Variants in SLC25A13 observed in about 807,000 individuals in gnomAD.
SLC25A13 encodes the protein solute carrier family 25 member 13, also known as electrogenic aspartate/glutamate antiporter SLC25A13, mitochondrial.
A neutral mutation model predicts 85.5 loss-of-function variants in SLC25A13; 70 were observed. The observed-to-expected ratio is 0.82, with a 90% CI of 0.68 to 1.00. The LOEUF (loss-of-function observed/expected upper bound fraction) is 1.00, where lower values mean the gene tolerates loss of function less well. Ranked by LOEUF, SLC25A13 falls within the 50% of genes least tolerant of loss-of-function variation. The pLI is 0.00. For missense variants in SLC25A13, 765 were observed against 819.8 expected, an observed-to-expected ratio of 0.93 and a Z score of 0.82; for synonymous variants, 259 against 288.7, an observed-to-expected ratio of 0.90 and a Z score of 1.04.
intron 11 of SLC25A13, among the ~76,000 whole-genome samples, 193 bp downstream of exon 11, chr7:96,184,083 AT>A (rs1794527032): frequency 6.6e-6 from 1 of 152,120 alleles, no homozygotes; most frequent in Non-Finnish European, 1.5e-5. Flanking sequence ...ACTATAAATA[AT>A]TTTCAGATTA....
chr7:96,121,596 A>G (rs997609371), intron 17 of SLC25A13, 59 bp downstream of exon 17: 67 of 1,529,132 alleles, frequency 4.4e-5, no homozygotes, highest in Non-Finnish European at 5.6e-5. Flanking sequence ...ACCTTTCCCT[A>G]CGACAACAGA....
intron 2 of SLC25A13, chr7:96,283,408 C>T: frequency 7.4e-6 from 3 of 404,840 alleles, no homozygotes; most frequent in African/African-American, 2.1e-5. Flanking sequence ...GTTCTGTAGG[C>T]CTTTTAGAAA....
chr7:96,124,940 C>T (rs1305859163), intron 15 of SLC25A13, among the ~76,000 whole-genome samples: 1 of 152,220 alleles, frequency 6.6e-6, no homozygotes, highest in Non-Finnish European at 1.5e-5. Context: ...CTTTGGCGCA[C>T]TGGCACTTTT....
intron 1 of SLC25A13, among the ~76,000 whole-genome samples, chr7:96,304,309 C>T (rs910620556): frequency 6.6e-6 from 1 of 152,186 alleles, no homozygotes; most frequent in East Asian, 1.9e-4. Context: ...TCAGACACCA[C>T]AAATGTTAAC....
At chr7:96,201,511 CA>C (rs11448108) in intron 5 of SLC25A13, among the ~76,000 whole-genome samples, 37 of 124,584 alleles carry the variant, frequency 3.0e-4, no homozygotes, top group African/African-American at 6.2e-4. Context: ...GACTCTGTCT[CA>C]AAAAAAAAAA....
intron 15 of SLC25A13, among the ~76,000 whole-genome samples, chr7:96,128,789 AT>A (rs1791849183): frequency 1.3e-5 from 2 of 148,520 alleles, no homozygotes; most frequent in Admixed American, 6.7e-5. Context: ...AATAATAATA[AT>A]AATAATAAAA....
At chr7:96,222,165 C>T (rs1417629236) in intron 4 of SLC25A13, among the ~76,000 whole-genome samples, 3 of 152,162 alleles carry the variant, frequency 2.0e-5, no homozygotes, top group Admixed American at 6.5e-5. Context: ...TTAACATAAA[C>T]AAGAAACGCT....
chr7:96,156,403 T>C (rs1172449043), intron 13 of SLC25A13, among the ~76,000 whole-genome samples: 1 of 152,072 alleles, frequency 6.6e-6, no homozygotes, highest in Non-Finnish European at 1.5e-5. Flanking sequence ...TTCAAGAGAT[T>C]CTCGTGCCTC....
chr7:96,315,972 T>C lies in SLC25A13; in HGVS notation c.15+5970A>G, dbSNP rs62472394. On this transcript the variant is annotated intron_variant, in intron 1 of 17. Transcript: ENST00000265631. ...GTCTCTACAAAAAAAAAAAAAATTTTAATTAGCTGGGTGTGGTGGTGTGTG... is the reference window on the plus strand; with the variant it reads ...GTCTCTACAAAAAAAAAAAAAATTTCAATTAGCTGGGTGTGGTGGTGTGTG... Among the ~76,000 whole-genome samples the C allele has an allele frequency of 2.0e-5, 3 of 151,982 alleles. No individual in the cohort carries two copies. The East Asian group carries it at 5.8e-4, about 29-fold the overall frequency.
chr7:96,197,300 A>T (rs370589703), intron 5 of SLC25A13, among the ~76,000 whole-genome samples: 1 of 152,228 alleles, frequency 6.6e-6, no homozygotes, highest in Non-Finnish European at 1.5e-5. Flanking sequence ...AAAATTCCCT[A>T]AAGTTTTCCA....
chr7:96,240,067 C>G (rs61241177), intron 3 of SLC25A13, among the ~76,000 whole-genome samples: 87 of 152,214 alleles, frequency 5.7e-4, no homozygotes, highest in African/African-American at 2.0e-3. Context: ...TTCACTGTAG[C>G]GTAACTTTAG....
intron 11 of SLC25A13, among the ~76,000 whole-genome samples, chr7:96,177,947 T>C (rs1794287851): frequency 6.6e-6 from 1 of 152,140 alleles, no homozygotes; most frequent in African/African-American, 2.4e-5. Flanking sequence ...TGGAAAGGCA[T>C]TTCTTCCCAA....
At chr7:96,256,885 C>G (rs1273793875) in intron 3 of SLC25A13, among the ~76,000 whole-genome samples, 1 of 152,186 alleles carries the variant, frequency 6.6e-6, no homozygotes, top group Non-Finnish European at 1.5e-5. Context: ...ACAGTGCAAT[C>G]AAAGTAGAAC....
At chr7:96,209,092 A>G in intron 4 of SLC25A13, 115 bp from the exon 5 acceptor site, 1 of 1,026,086 alleles carries the variant, frequency 9.7e-7, no homozygotes, top group Non-Finnish European at 1.4e-6. Context: ...TCAATTTTAA[A>G]TAGACATACA....
intron 3 of SLC25A13, among the ~76,000 whole-genome samples, chr7:96,248,940 G>A (rs1261439557): frequency 2.0e-5 from 3 of 152,146 alleles, no homozygotes; most frequent in African/African-American, 7.2e-5. Context: ...AAACTAAATT[G>A]TATAAACGGT....
In SLC25A13 at chr7:96,193,201, A is replaced by C; in HGVS notation, c.469-18T>G. The stretch of plus-strand genomic sequence containing the variant: ...TGTATTTCCTACAAATAAAGAAAGT[A>C]AAATACTTAATTTATGCTTCTCATT... On this transcript the variant is annotated intron_variant, in intron 5 of 17. Coordinates refer to ENST00000265631, the MANE Select transcript of SLC25A13 (RefSeq NM_014251.3). 2.5e-6 allele frequency: 4 copies of C among 1,613,502 alleles called. No individual in the cohort carries two copies. The highest frequency in any genetic ancestry group is 3.4e-6 in the Non-Finnish European group (4 of 1,179,638).
chr7:96,269,234 G>A (rs1347639784), intron 3 of SLC25A13, among the ~76,000 whole-genome samples: 1 of 152,182 alleles, frequency 6.6e-6, no homozygotes, highest in South Asian at 2.1e-4. Context: ...AACATGGAAG[G>A]CTGACCAATG....
chr7:96,311,179 T>C (rs963900561), intron 1 of SLC25A13, among the ~76,000 whole-genome samples: 2 of 152,196 alleles, frequency 1.3e-5, no homozygotes, highest in South Asian at 4.1e-4. Flanking sequence ...ATATTTAAAG[T>C]TAGCTAATTA....
chr7:96,175,786 G>A lies in SLC25A13; in HGVS notation c.1178-4262C>T, dbSNP rs142155479. 3.0e-3 allele frequency among the ~76,000 whole-genome samples: 455 copies of A among 152,362 alleles called. 6 individuals are homozygous for A. The highest frequency in any genetic ancestry group is 0.023 in the East Asian group (122 of 5,192). ...TTTGCAAGAGCAGAGACCTGAGGAA[G>A]CTAGAGAAACTAGGAGTTTAAGGTA... is the stretch of plus-strand genomic sequence containing the variant. On this transcript the variant is annotated intron_variant, in intron 11 of 17. Coordinates refer to ENST00000265631, the MANE Select transcript of SLC25A13 (RefSeq NM_014251.3).
Sources: gnomAD v4.1 joint callset for allele counts (sites outside exome capture counted in the v4.1 genomes callset) on GRCh38, gnomAD v4.1.1 for gene constraint, MANE v1.5 for transcripts, NCBI Gene and HGNC (gene_info 2026-07-23, HGNC 2026-07-21) for gene names.